The following KCNC2 variants were observed in gnomAD, a reference collection of about 807,000 sequenced individuals.
The protein encoded by KCNC2 is voltage-gated potassium channel KCNC2.
A neutral mutation model predicts 44.5 loss-of-function variants in KCNC2; 21 were observed. The observed-to-expected ratio is 0.47, with a 90% confidence interval of 0.33 to 0.68. The LOEUF (loss-of-function observed/expected upper bound fraction) is 0.68, where lower values mean the gene tolerates loss of function less well. KCNC2 is among the 30% of genes least tolerant of loss of function. The pLI is 0.01. For missense variants in KCNC2, 589 were observed against 826.2 expected (o/e 0.71, Z 3.52); for synonymous variants, 391 against 339.1 (o/e 1.15, Z -1.68).
intron 2 of KCNC2, among the ~76,000 whole-genome samples, chr12:75,115,936 T>G (rs1044812600): frequency 2.0e-5 from 3 of 152,190 alleles, no homozygotes; most frequent in Non-Finnish European, 4.4e-5. Flanking sequence ...TCAAGGAAAT[T>G]ACAGGTTGCT....
At chr12:75,069,284 G>A (rs367691083) in intron 2 of KCNC2, among the ~76,000 whole-genome samples, 7 of 151,414 alleles carry the variant, frequency 4.6e-5, no homozygotes, top group East Asian at 1.9e-4. Context: ...ACAGGCATGC[G>A]CCACCACGCC....
chr12:75,087,558 G>A (rs1027702408), intron 2 of KCNC2, among the ~76,000 whole-genome samples: 3 of 152,084 alleles, frequency 2.0e-5, no homozygotes, highest in Non-Finnish European at 2.9e-5. Flanking sequence ...TTTGAGAGTC[G>A]TGACCTTTAT....
chr12:75,068,426 G>T (rs1292227422), intron 2 of KCNC2, among the ~76,000 whole-genome samples: 1 of 152,206 alleles, frequency 6.6e-6, no homozygotes, highest in Non-Finnish European at 1.5e-5. Context: ...TCAGGATGGA[G>T]AGAGGAAACA....
intron 2 of KCNC2, among the ~76,000 whole-genome samples, chr12:75,106,077 G>C (rs994251344): frequency 1.3e-5 from 2 of 152,012 alleles, no homozygotes; most frequent in African/African-American, 4.8e-5. Context: ...AGAAGATAAA[G>C]GGAAACCAGA....
intron 2 of KCNC2, among the ~76,000 whole-genome samples, chr12:75,110,926 T>C (rs1169413330): frequency 6.6e-6 from 1 of 152,146 alleles, no homozygotes; most frequent in African/African-American, 2.4e-5. Flanking sequence ...TTTCCCTGAA[T>C]TTATGCATCT....
intron 2 of KCNC2, among the ~76,000 whole-genome samples, chr12:75,165,155 T>A (rs1891364348): frequency 6.6e-6 from 1 of 151,628 alleles, no homozygotes; most frequent in Non-Finnish European, 1.5e-5. Flanking sequence ...TATTTTAGAG[T>A]ATGATTAGAA....
intron 2 of KCNC2, among the ~76,000 whole-genome samples, chr12:75,079,658 AG>A (rs1176935986): frequency 6.6e-6 from 1 of 152,126 alleles, no homozygotes; most frequent in East Asian, 1.9e-4. Flanking sequence ...CAGAATTCTA[AG>A]GTAAAATAAA....
intron 2 of KCNC2, among the ~76,000 whole-genome samples, chr12:75,186,349 C>T (rs1892947962): frequency 6.6e-6 from 1 of 151,890 alleles, no homozygotes; most frequent in Non-Finnish European, 1.5e-5. Flanking sequence ...CAAGGCATTC[C>T]CAGTGTTGCC....
chr12:75,114,902 C>A, intron 2 of KCNC2, among the ~76,000 whole-genome samples: 1 of 135,758 alleles, frequency 7.4e-6, no homozygotes, highest in Admixed American at 7.9e-5. Context: ...ATCTCGCTGT[C>A]ACCCAGGCTG....
intron 2 of KCNC2, among the ~76,000 whole-genome samples, chr12:75,086,540 A>G (rs1229260541): frequency 6.6e-6 from 1 of 151,750 alleles, no homozygotes; most frequent in Non-Finnish European, 1.5e-5. Context: ...TTCTCAACCT[A>G]CATTTGGTCA....
intron 2 of KCNC2, among the ~76,000 whole-genome samples, chr12:75,191,976 G>A (rs2030327378): frequency 6.6e-6 from 1 of 151,696 alleles, no homozygotes; most frequent in Non-Finnish European, 1.5e-5. Context: ...TTACATGACC[G>A]CTATAATGTA....
chr12:75,076,930 C>T (rs371999090), intron 2 of KCNC2, among the ~76,000 whole-genome samples: 2 of 152,132 alleles, frequency 1.3e-5, no homozygotes, highest in East Asian at 1.9e-4. Flanking sequence ...AAACAGTCAA[C>T]TTACAAAAAT....
chr12:75,182,384 G>A (rs919963023), intron 2 of KCNC2, among the ~76,000 whole-genome samples: 11 of 151,614 alleles, frequency 7.3e-5, no homozygotes, highest in East Asian at 2.0e-4. Context: ...TTAGCGGGGC[G>A]TGGTGGCGGG....
chr12:75,145,894 G>A (rs1889988922), intron 2 of KCNC2, among the ~76,000 whole-genome samples: 1 of 149,970 alleles, frequency 6.7e-6, no homozygotes, highest in Admixed American at 6.6e-5. Flanking sequence ...TTCTTTTGTT[G>A]TTTATTTTGT....
At chr12:75,085,265 T>A (rs1365182834) in intron 2 of KCNC2, among the ~76,000 whole-genome samples, 1 of 152,182 alleles carries the variant, frequency 6.6e-6, no homozygotes, top group African/African-American at 2.4e-5. Context: ...TTATCTTATG[T>A]TACATATCTT....
rs897370421 is a variant in KCNC2, at chr12:75,043,136, C to T, written c.1886G>A (p.Arg629His). 13 of 1,612,094 alleles carry T rather than the reference C, an allele frequency of 8.1e-6. No individual in the cohort carries two copies. The highest frequency in any genetic ancestry group is 9.3e-6 in the Non-Finnish European group (11 of 1,178,868). The part of the protein sequence containing the change: ...SPYNSPCPLR[R>H]SRSPIPSIL ...GATAGATGGGATGGGAGATCGAGAG[C>T]GCCTCAGAGGACAAGGAGAGTTGTA... is the stretch of plus-strand genomic sequence containing the variant. The change falls in exon 5 of 5, where the codon CGC becomes CAC. Residue 629 changes from arginine (R) to histidine (H), a missense_variant. This residue lies in a region of KCNC2 where 171 missense variants were observed against 182.4 expected (regional missense o/e 0.94). Transcript: ENST00000549446.
At chr12:75,043,509 T>A in intron 4 of KCNC2, 1 of 1,258,062 alleles carries the variant, frequency 7.9e-7, no homozygotes, top group Non-Finnish European at 1.0e-6. Context: ...ATTAATATAA[T>A]TTTGGCATAT....
intron 2 of KCNC2, among the ~76,000 whole-genome samples, chr12:75,116,549 A>T (rs1478303731): frequency 2.0e-5 from 3 of 152,240 alleles, no homozygotes; most frequent in Non-Finnish European, 4.4e-5. Flanking sequence ...ATTCCAATAG[A>T]GGAAGATACT....
intron 2 of KCNC2, among the ~76,000 whole-genome samples, chr12:75,126,100 G>A (rs1197738665): frequency 1.3e-5 from 2 of 151,976 alleles, no homozygotes; most frequent in African/African-American, 2.4e-5. Context: ...TAAAAAACCC[G>A]AGTCTCTCTT....
Sources: allele counts gnomAD v4.1 joint callset (sites outside exome capture counted in the v4.1 genomes callset), GRCh38; gene constraint gnomAD v4.1.1; regional missense constraint gnomAD v4.1.1; transcripts MANE v1.5; gene names NCBI Gene and HGNC (gene_info 2026-07-23, HGNC 2026-07-21).